Variants in KLF17 observed in about 807,000 individuals in gnomAD.
The protein encoded by KLF17 is KLF transcription factor 17.
A neutral mutation model predicts 34.2 loss-of-function variants in KLF17; 31 were observed. That is an observed-to-expected ratio of 0.91 (90% confidence interval 0.68 to 1.22). The LOEUF (loss-of-function observed/expected upper bound fraction) is 1.22. Among genes scored for constraint, KLF17 ranks in the 50% most tolerant of loss-of-function variants. KLF17 has a pLI of 0.00. For missense variants in KLF17, 478 were observed against 505.2 expected (o/e 0.95, Z 0.52); for synonymous variants, 179 against 186.7 (o/e 0.96, Z 0.34).
the KLF17 span, among the ~76,000 whole-genome samples, chr1:44,060,060 A>AC: frequency 0.022 from 3,393 of 151,520 alleles, 56 homozygotes; most frequent in Non-Finnish European, 0.037. Context: ...CTGTTTGTGT[A>AC]CCCCCCCAGG....
chr1:44,115,467 A>AG (rs2087871234), upstream of KLF17: 2 of 151,098 alleles, frequency 1.3e-5, no homozygotes, highest in African/African-American at 4.9e-5. Flanking sequence ...AAAAAAAAAA[A>AG]AAAAACCAAA....
chr1:44,109,402 G>A, the KLF17 span, among the ~76,000 whole-genome samples: 1 of 152,140 alleles, frequency 6.6e-6, no homozygotes, highest in East Asian at 1.9e-4. Context: ...GAAACTGCTA[G>A]CTCAGAAGCA....
chr1:44,073,313 T>C, the KLF17 span, among the ~76,000 whole-genome samples: 1 of 151,556 alleles, frequency 6.6e-6, no homozygotes, highest in Non-Finnish European at 1.5e-5. Context: ...TTCAAGCGAT[T>C]CTCCAGCCTC....
the KLF17 span, among the ~76,000 whole-genome samples, chr1:44,050,109 G>A: frequency 2.6e-5 from 4 of 152,156 alleles, no homozygotes; most frequent in Non-Finnish European, 4.4e-5. Context: ...AGATAGCATC[G>A]CATGGTTTTA....
rs147149386 is a variant in KLF17 at position 44,121,497 on chromosome 1, G to A, written c.81+2509G>A. On this transcript the variant is annotated intron_variant, in intron 1 of 3. Coordinates refer to ENST00000372299, the MANE Select transcript of KLF17 (RefSeq NM_173484.4). ...CTAAAATGTACTTCGTAGCTGGTAC[G>A]TCCAAACCAGAATTTAAGACCATAC... Among the ~76,000 whole-genome samples the A allele has an allele frequency of 3.0e-3, 455 of 152,256 alleles. 5 individuals are homozygous for A. The highest frequency in any genetic ancestry group is 9.7e-3 in the African/African-American group (403 of 41,538).
chr1:44,112,393 CT>C, the KLF17 span, among the ~76,000 whole-genome samples: 526 of 120,226 alleles, frequency 4.4e-3, 3 homozygotes, highest in African/African-American at 0.014. Flanking sequence ...CTTTTTCTTT[CT>C]TTTTTTTATT....
the KLF17 span, chr1:44,104,240 C>T: frequency 7.9e-7 from 1 of 1,267,306 alleles, no homozygotes; most frequent in South Asian, 1.2e-5. Context: ...CATCCTCGTA[C>T]TTGTTCTTGA....
intron 2 of KLF17, 49 bp from the exon 3 acceptor site, chr1:44,130,463 C>T (rs1356047415): frequency 6.2e-7 from 1 of 1,611,282 alleles, no homozygotes; most frequent in East Asian, 2.2e-5. Flanking sequence ...AGTTAGACCC[C>T]TTCCTTCCTA....
upstream of KLF17, among the ~76,000 whole-genome samples, chr1:44,118,552 G>A (rs777052512): frequency 6.6e-6 from 1 of 151,004 alleles, no homozygotes; most frequent in Non-Finnish European, 1.5e-5. Flanking sequence ...TGGAGTTGGA[G>A]ACCTGGGTGT....
At chr1:44,082,922 C>A in the KLF17 span, among the ~76,000 whole-genome samples, 1 of 150,310 alleles carries the variant, frequency 6.7e-6, no homozygotes, top group African/African-American at 2.5e-5. Flanking sequence ...GGCCAGCACA[C>A]TCACTGTGTC....
the KLF17 span, among the ~76,000 whole-genome samples, chr1:44,098,253 G>C: frequency 1.3e-5 from 2 of 152,092 alleles, no homozygotes; most frequent in East Asian, 3.9e-4. Context: ...CTGGCATATA[G>C]TTGCTCATAA....
chr1:44,094,931 C>T, the KLF17 span, among the ~76,000 whole-genome samples: 1 of 144,818 alleles, frequency 6.9e-6, no homozygotes, highest in Admixed American at 7.0e-5. Context: ...GAGACGGAGT[C>T]TCACTCTCAC....
At chr1:44,100,028 G>C in the KLF17 span, among the ~76,000 whole-genome samples, 1 of 151,134 alleles carries the variant, frequency 6.6e-6, no homozygotes, top group South Asian at 2.1e-4. Context: ...CTTGAGTCAG[G>C]AGTTCGAGAC....
At chr1:44,083,389 C>T in the KLF17 span, among the ~76,000 whole-genome samples, 1 of 151,994 alleles carries the variant, frequency 6.6e-6, no homozygotes, top group Non-Finnish European at 1.5e-5. Flanking sequence ...TAACCTCTTA[C>T]CTTGCTCACA....
chr1:44,091,635 C>G, the KLF17 span, among the ~76,000 whole-genome samples: 43 of 79,030 alleles, frequency 5.4e-4, no homozygotes, highest in South Asian at 1.8e-3. Flanking sequence ...GACTCCATCT[C>G]AAAAAAAAAA....
chr1:44,130,260 C>T, intron 2 of KLF17, 64 bp downstream of exon 2: 1 of 1,543,326 alleles, frequency 6.5e-7, no homozygotes, highest in Non-Finnish European at 8.7e-7. Flanking sequence ...TGTCCTGGGC[C>T]ACTGGTGGGT....
At chr1:44,083,277 T>G in the KLF17 span, among the ~76,000 whole-genome samples, 1 of 141,446 alleles carries the variant, frequency 7.1e-6, no homozygotes, top group African/African-American at 2.5e-5. Flanking sequence ...GAGAATTGAG[T>G]AGGGTTTTTT....
At chr1:44,127,646 CTT>C (rs879540008) in intron 1 of KLF17, among the ~76,000 whole-genome samples, 1 of 56,182 alleles carries the variant, frequency 1.8e-5, no homozygotes, top group African/African-American at 7.9e-5. Flanking sequence ...TTCCTTCTTT[CTT>C]TCTTTCTTTC....
chr1:44,054,969 C>T, the KLF17 span, among the ~76,000 whole-genome samples: 23 of 151,124 alleles, frequency 1.5e-4, no homozygotes, highest in African/African-American at 4.9e-4. Flanking sequence ...TTAGTAGAGA[C>T]AGGGTTTCAC....
Sources: allele counts gnomAD v4.1 joint callset (sites outside exome capture counted in the v4.1 genomes callset), GRCh38; gene constraint gnomAD v4.1.1; transcripts MANE v1.5; gene names NCBI Gene and HGNC (gene_info 2026-07-23, HGNC 2026-07-21).